SAMSN1: variants seen among roughly 807,000 people sequenced by gnomAD.
The protein encoded by SAMSN1 is SAM domain-containing protein SAMSN-1.
In SAMSN1, 31 loss-of-function variants were observed where a neutral mutation model predicts 42.0. The ratio of observed to expected loss-of-function variants is 0.74; its 90% confidence interval spans 0.55 to 1.00. The LOEUF (loss-of-function observed/expected upper bound fraction) is 1.00, where lower values mean the gene tolerates loss of function less well. Among genes scored for constraint, SAMSN1 ranks in the 50% least tolerant of loss-of-function variants. SAMSN1 has a pLI of 0.00. For missense variants in SAMSN1, 464 were observed against 439.4 expected (o/e 1.06, Z -0.50); for synonymous variants, 178 against 151.9 (o/e 1.17, Z -1.26).
intron 6 of SAMSN1, chr21:14,598,451 A>G (rs1982334124): frequency 6.6e-6 from 1 of 152,156 alleles, no homozygotes; most frequent in African/African-American, 2.4e-5. Flanking sequence ...TTTTCCCAAG[A>G]TGTTCTTTAT....
chr21:14,530,191 C>T (rs1979157983), intron 1 of SAMSN1, among the ~76,000 whole-genome samples: 1 of 151,884 alleles, frequency 6.6e-6, no homozygotes, highest in Non-Finnish European at 1.5e-5. Context: ...GTGGCGGGTG[C>T]CTGTAGTCCC....
chr21:14,507,588 TA>T (rs1281013320), intron 5 of SAMSN1, among the ~76,000 whole-genome samples: 2 of 152,226 alleles, frequency 1.3e-5, no homozygotes, highest in African/African-American at 4.8e-5. Flanking sequence ...TGCCCATGGA[TA>T]GGTAGAATCA....
At chr21:14,586,279 G>GAAAA (rs57194288), upstream of SAMSN1, among the ~76,000 whole-genome samples, 1 of 126,352 alleles carries the variant, frequency 7.9e-6, no homozygotes, top group East Asian at 2.4e-4. Flanking sequence ...AAAAAAAAAA[G>GAAAA]AAAAAGAAAA....
At chr21:14,609,182 A>G (rs1049443979) in intron 5 of SAMSN1, among the ~76,000 whole-genome samples, 2 of 152,078 alleles carry the variant, frequency 1.3e-5, no homozygotes, top group Non-Finnish European at 2.9e-5. Flanking sequence ...AATTTTTTGT[A>G]CATTAAAACT....
chr21:14,550,841 A>G (rs1980570167), upstream of SAMSN1, among the ~76,000 whole-genome samples: 1 of 152,156 alleles, frequency 6.6e-6, no homozygotes, highest in South Asian at 2.1e-4. Flanking sequence ...AATTCTCCAG[A>G]CAAGATAATC....
chr21:14,491,520 G>C (rs759050716), intron 7 of SAMSN1, among the ~76,000 whole-genome samples: 2 of 152,190 alleles, frequency 1.3e-5, no homozygotes, highest in Non-Finnish European at 2.9e-5. Flanking sequence ...TTGAGGCAGA[G>C]GGAAATCTGT....
intron 2 of SAMSN1, among the ~76,000 whole-genome samples, chr21:14,555,732 A>T (rs1286605792): frequency 2.6e-5 from 4 of 152,212 alleles, no homozygotes; most frequent in Admixed American, 2.6e-4. Context: ...TCGAAGCTCA[A>T]GTTTTTATTA....
At chr21:14,614,665 C>A (rs1237680640) in intron 3 of SAMSN1, among the ~76,000 whole-genome samples, 1 of 152,064 alleles carries the variant, frequency 6.6e-6, no homozygotes, top group East Asian at 1.9e-4. Flanking sequence ...TTTCCTTTTT[C>A]TTAATCTTTT....
chr21:14,514,024 A>G lies in SAMSN1; in HGVS notation c.280-1451T>C, dbSNP rs77518226. ...GTCCCAGGACTGCCCCTCTGTATCC[A>G]TCACTCCATTTGCACTAAAGCCATG... On this transcript the variant is annotated intron_variant, in intron 3 of 7. Coordinates refer to ENST00000400566, the MANE Select transcript of SAMSN1 (RefSeq NM_022136.5). Among the ~76,000 whole-genome samples the G allele has an allele frequency of 8.1e-4, 124 of 152,294 alleles. 1 individual carries two copies. The highest frequency in any genetic ancestry group is 2.9e-3 in the African/African-American group (122 of 41,574).
At chr21:14,580,570 T>C (rs1399014806) in intron 2 of SAMSN1, among the ~76,000 whole-genome samples, 2 of 152,148 alleles carry the variant, frequency 1.3e-5, no homozygotes, top group Admixed American at 6.5e-5. Context: ...GAAAAGAAGA[T>C]GAAGATTAAA....
chr21:14,643,239 T>G (rs976167315), intron 1 of SAMSN1: 11 of 624,422 alleles, frequency 1.8e-5, no homozygotes, highest in Admixed American at 2.6e-5. Context: ...ATTTAAATTA[T>G]CCTGGGCATA....
chr21:14,603,583 T>C (rs1347065001), intron 5 of SAMSN1, among the ~76,000 whole-genome samples: 2 of 152,132 alleles, frequency 1.3e-5, no homozygotes, highest in Admixed American at 6.5e-5. Context: ...TTTAATTAAG[T>C]GTAGAGATTG....
intron 1 of SAMSN1, among the ~76,000 whole-genome samples, chr21:14,657,093 G>A (rs1236738522): frequency 6.6e-6 from 1 of 151,794 alleles, no homozygotes; most frequent in Admixed American, 6.6e-5. Flanking sequence ...TAACAGCACA[G>A]TAGGGTGTCA....
intron 3 of SAMSN1, among the ~76,000 whole-genome samples, chr21:14,514,131 T>C (rs1367386703): frequency 1.3e-5 from 2 of 152,230 alleles, no homozygotes; most frequent in African/African-American, 4.8e-5. Flanking sequence ...TGGAAAACTT[T>C]AGTATAAGAA....
chr21:14,493,573 CA>C (rs3138679), intron 7 of SAMSN1, among the ~76,000 whole-genome samples: 1 of 44,338 alleles, frequency 2.3e-5, no homozygotes, highest in African/African-American at 6.4e-5. Context: ...GTTTATGGAA[CA>C]ACACACACAC....
At chr21:14,633,435 A>T (rs1879526088) in intron 2 of SAMSN1, among the ~76,000 whole-genome samples, 2 of 152,284 alleles carry the variant, frequency 1.3e-5, no homozygotes, top group African/African-American at 4.8e-5. Context: ...ATCTGGTCTA[A>T]CTCTGTTAGT....
At position 14,578,629 on chromosome 21, in the gene SAMSN1, G is replaced by C. The variant is rs1174609910; in HGVS notation, c.261+3507C>G. 2.1e-5 allele frequency among the ~76,000 whole-genome samples: 3 copies of C among 141,662 alleles called. No homozygotes were observed. The South Asian group carries it at 6.8e-4, about 32-fold the overall frequency. 92.9% of individuals were successfully genotyped at this position (141,662 alleles called of 152,430 possible). A position where few individuals can be genotyped will look rare whatever the true frequency, so the allele number is the denominator to read the frequency against. ...ACCCAAGAGGCAGAAGTTGCAGTGAGCCAAGATCATGCCATTACACTCCAG... is the reference window on the plus strand; with the variant it reads ...ACCCAAGAGGCAGAAGTTGCAGTGACCCAAGATCATGCCATTACACTCCAG... On this transcript the variant is annotated intron_variant, in intron 2 of 8. Coordinates refer to the SAMSN1 transcript ENST00000285670.
chr21:14,623,084 A>AAGAC (rs1239629554), intron 2 of SAMSN1, among the ~76,000 whole-genome samples: 9 of 152,214 alleles, frequency 5.9e-5, no homozygotes, highest in Non-Finnish European at 1.3e-4. Context: ...AGAATTTGTC[A>AAGAC]CCACCAGGCC....
intron 5 of SAMSN1, among the ~76,000 whole-genome samples, chr21:14,508,267 G>A (rs1199143188): frequency 6.6e-6 from 1 of 152,062 alleles, no homozygotes; most frequent in Non-Finnish European, 1.5e-5. Context: ...AGAGCAAACA[G>A]ACAACCCACA....
Sources: gnomAD v4.1 joint callset for allele counts (sites outside exome capture counted in the v4.1 genomes callset) on GRCh38, gnomAD v4.1.1 for gene constraint, MANE v1.5 for transcripts, NCBI Gene and HGNC (gene_info 2026-07-23, HGNC 2026-07-21) for gene names.